HAT1: variants seen among roughly 807,000 people sequenced by gnomAD.
HAT1 encodes histone acetyltransferase 1.
A neutral mutation model predicts 56.6 loss-of-function variants in HAT1; 20 were observed. The observed-to-expected ratio is 0.35, with a 90% confidence interval of 0.25 to 0.51. The LOEUF (loss-of-function observed/expected upper bound fraction) is 0.51. Among genes scored for constraint, HAT1 ranks in the 20% least tolerant of loss-of-function variants. The pLI is 0.95. For synonymous variants in HAT1, 146 were observed against 165.5 expected (o/e 0.88, Z 0.91); for missense variants, 408 against 504.3 (o/e 0.81, Z 1.83).
In HAT1 at chr2:171,961,409, GA is replaced by G. The variant is rs200107931; in HGVS notation, c.310-3925del. On this transcript the variant is annotated intron_variant, in intron 4 of 10. Coordinates refer to ENST00000264108, the MANE Select transcript of HAT1 (RefSeq NM_003642.4). Reference sequence around the variant, plus strand: ...TCTTGCTAATTGCTAGCATTTCTGGGAAAAGTTTGGTACAGGAAGTTGAAAT... The same window carrying G: ...TCTTGCTAATTGCTAGCATTTCTGGGAAAGTTTGGTACAGGAAGTTGAAAT... Among the ~76,000 whole-genome samples the G allele has an allele frequency of 4.0e-3, 610 of 152,252 alleles. 7 individuals carry two copies. The highest frequency in any genetic ancestry group is 0.031 in the East Asian group (161 of 5,182).
chr2:171,964,240 G>A (rs898619945), intron 4 of HAT1, among the ~76,000 whole-genome samples: 2 of 152,108 alleles, frequency 1.3e-5, no homozygotes, highest in Non-Finnish European at 2.9e-5. Flanking sequence ...AAGTAGCAAG[G>A]GTCTTGGTTT....
chr2:171,977,595 A>T lies in HAT1; in HGVS notation c.975+1287A>T, dbSNP rs1420715350. 1.8e-5 allele frequency among the ~76,000 whole-genome samples: 2 copies of T among 109,686 alleles called. 1 individual carries two copies. The highest frequency in any genetic ancestry group is 4.0e-5 in the Non-Finnish European group (2 of 50,408). The allele number at this position is 109,686 out of a possible 152,430, so 72.0% of individuals were successfully genotyped here. A position where few individuals can be genotyped will look rare whatever the true frequency, so the allele number is the denominator to read the frequency against. On this transcript the variant is annotated intron_variant, in intron 9 of 10. Transcript: ENST00000264108. ...TTTTTTTTTTAATGGTGCTTTCTTA[A>T]AAAAAGAATTCAAACTCCCTACCTA... is the stretch of plus-strand genomic sequence containing the variant.
At chr2:171,977,557 A>ATATATATATAATTT (rs1271452199) in intron 9 of HAT1, among the ~76,000 whole-genome samples, 2 of 16,358 alleles carry the variant, frequency 1.2e-4, no homozygotes, top group African/African-American at 4.3e-4. Context: ...ATATATATAT[A>ATATATATATAATTT]TTTTTTTTTT....
intron 4 of HAT1, among the ~76,000 whole-genome samples, chr2:171,962,470 C>T (rs1687597106): frequency 6.6e-6 from 1 of 152,212 alleles, no homozygotes; most frequent in South Asian, 2.1e-4. Flanking sequence ...TCTTGGCTCA[C>T]TGCAACCTCC....
intron 3 of HAT1, among the ~76,000 whole-genome samples, chr2:171,951,782 A>G (rs762420572): frequency 4.5e-4 from 68 of 152,036 alleles, no homozygotes; most frequent in South Asian, 2.1e-3. Flanking sequence ...GCGTAATATC[A>G]CTGAAAGTGG....
Position 171,954,808 on chromosome 2 carries a change from G to A in HAT1, c.309+1807G>A, listed in dbSNP as rs182466734. ...TGCCTCATATTGCAAAAAGCACTTC[G>A]CTGATGTAATTAAATATCTTGATAT... On this transcript the variant is annotated intron_variant, in intron 4 of 10. Transcript: ENST00000264108. Among the ~76,000 whole-genome samples the A allele has an allele frequency of 9.1e-4, 138 of 152,298 alleles. 2 individuals carry two copies. The highest frequency in any genetic ancestry group is 3.2e-3 in the African/African-American group (132 of 41,576).
At chr2:171,949,741 C>T (rs1687257890) in intron 3 of HAT1, among the ~76,000 whole-genome samples, 1 of 151,670 alleles carries the variant, frequency 6.6e-6, no homozygotes, top group Non-Finnish European at 1.5e-5. Flanking sequence ...TGGTCTTGAA[C>T]TCCTGGGCTC....
intron 3 of HAT1, among the ~76,000 whole-genome samples, chr2:171,947,195 A>G (rs961603743): frequency 2.0e-5 from 3 of 152,176 alleles, no homozygotes; most frequent in Non-Finnish European, 4.4e-5. Flanking sequence ...GCTGTAATAG[A>G]AAGCTTAAGT....
chr2:171,950,396 G>C lies in HAT1; in HGVS notation c.189-2485G>C, dbSNP rs142604692. The stretch of plus-strand genomic sequence containing the variant: ...GGGTTTTGGCATATTGGCCAGGCTG[G>C]TCCCGAACTCTGGAGCTTAGACAGT... On this transcript the variant is annotated intron_variant, in intron 3 of 10. Transcript: ENST00000264108. 3.0e-3 allele frequency among the ~76,000 whole-genome samples: 460 copies of C among 151,950 alleles called. 4 individuals carry two copies. Among genetic ancestry groups the C allele is most frequent in the Middle Eastern group, 0.02 (6 of 294 alleles).
intron 3 of HAT1, among the ~76,000 whole-genome samples, chr2:171,947,961 ATAGT>A (rs1687213026): frequency 6.6e-6 from 1 of 152,364 alleles, no homozygotes; most frequent in African/African-American, 2.4e-5. Flanking sequence ...CATCATTGAA[ATAGT>A]TACTTTTTTA....
intron 4 of HAT1, among the ~76,000 whole-genome samples, chr2:171,956,016 G>C (rs1687434665): frequency 6.6e-6 from 1 of 152,094 alleles, no homozygotes; most frequent in South Asian, 2.1e-4. Context: ...CTGCACTCCA[G>C]CCTGGGCAAC....
intron 2 of HAT1, among the ~76,000 whole-genome samples, chr2:171,927,664 T>C (rs1686631467): frequency 6.6e-6 from 1 of 152,216 alleles, no homozygotes; most frequent in African/African-American, 2.4e-5. Context: ...CTTGGTTCAC[T>C]GCAACCTCTG....
chr2:171,945,505 T>A (rs1687138420), intron 2 of HAT1, among the ~76,000 whole-genome samples: 2 of 150,302 alleles, frequency 1.3e-5, no homozygotes, highest in Admixed American at 1.3e-4. Flanking sequence ...ATAATTTTTT[T>A]TTTTTTTTTT....
At chr2:171,948,487 G>C (rs896446507) in intron 3 of HAT1, among the ~76,000 whole-genome samples, 11 of 152,192 alleles carry the variant, frequency 7.2e-5, no homozygotes, top group African/African-American at 2.4e-4. Context: ...GCCTCCTGAA[G>C]TGCTGGGATT....
intron 8 of HAT1, among the ~76,000 whole-genome samples, chr2:171,971,387 A>T (rs536833109): frequency 1.3e-5 from 2 of 152,142 alleles, no homozygotes; most frequent in Non-Finnish European, 2.9e-5. Flanking sequence ...CACTGAAAAG[A>T]TCCTTCGTGT....
Position 171,965,904 on chromosome 2 carries a change from C to T in HAT1, c.607C>T (p.Leu203=). 1 of 1,612,840 alleles carries T rather than the reference C, an allele frequency of 6.2e-7. No individual in the cohort carries two copies. Among genetic ancestry groups the T allele is most frequent in the Admixed American group, 1.7e-5 (1 of 59,976 alleles). Residue 203 remains leucine (L), a synonymous_variant, in exon 6 of 11, where the codon CTA becomes TTA. Coordinates refer to ENST00000264108, the MANE Select transcript of HAT1 (RefSeq NM_003642.4). ...DVDDERWHYF[L]VFEKYNKDGA... is the part of the protein sequence containing the mutation. ...GGATGATGAAAGATGGCACTACTTT[C>T]TAGTGTAAGTACAGTTCTAAAGCAA...
intron 1 of HAT1, chr2:171,923,803 T>C (rs1018570713): frequency 2.0e-5 from 3 of 152,252 alleles, no homozygotes; most frequent in East Asian, 1.9e-4. Context: ...CATCATTTAG[T>C]AGTTGGATGC....
rs542631457 is a variant in HAT1 at position 171,965,511 on chromosome 2, A to G, written c.483A>G (p.Ile161Met). 2.6e-6 allele frequency: 4 copies of G among 1,538,826 alleles called. No individual in the cohort carries two copies. Among genetic ancestry groups the G allele is most frequent in the Non-Finnish European group, 3.6e-6 (4 of 1,124,782 alleles). The change falls in exon 5 of 11, where the codon ATA becomes ATG. Residue 161 changes from isoleucine to methionine, a missense_variant. Transcript: ENST00000264108. The part of the protein sequence containing the change: ...PTGGENFTFQ[I>M]YKADMTCRGF... ...GAGGAGAAAACTTTACCTTTCAGAT[A>G]TATAAGGTAAAGATAAATCTAAATA... is the stretch of plus-strand genomic sequence containing the variant.
In HAT1 at chr2:171,970,496, C is replaced by CTTTT. The variant is rs61462189; in HGVS notation, c.823+3585_823+3588dup. Among the ~76,000 whole-genome samples the CTTTT allele has an allele frequency of 1.8e-3, 134 of 74,978 alleles. 9 individuals carry two copies. Among genetic ancestry groups the CTTTT allele is most frequent in the African/African-American group, 2.8e-3 (42 of 14,794 alleles). 49.2% of individuals were successfully genotyped at this position (74,978 alleles called of 152,430 possible). A position where few individuals can be genotyped will look rare whatever the true frequency, so the allele number is the denominator to read the frequency against. On this transcript the variant is annotated intron_variant, in intron 8 of 10. Transcript: ENST00000264108. ...TAAATCAGTATTAGCAATGCAGTTT[C>CTTTT]TTTTTTTTTTTTTTTTTTTTTTTTT... is the stretch of plus-strand genomic sequence containing the variant.
Sources: allele counts gnomAD v4.1 joint callset (sites outside exome capture counted in the v4.1 genomes callset), GRCh38; gene constraint gnomAD v4.1.1; transcripts MANE v1.5; gene names NCBI Gene and HGNC (gene_info 2026-07-23, HGNC 2026-07-21).